ANKRD30BL: variants seen among roughly 807,000 people sequenced by gnomAD.
The protein encoded by ANKRD30BL is ankyrin repeat domain 30B like, also known as putative ankyrin repeat domain-containing protein 30B-like.
Under a neutral mutation model 18.4 loss-of-function variants are expected in ANKRD30BL, and 20 were observed. That is an observed-to-expected ratio of 1.09 (90% CI 0.77 to 1.58). The LOEUF (loss-of-function observed/expected upper bound fraction) is 1.58, where lower values mean the gene tolerates loss of function less well. Ranked by LOEUF, ANKRD30BL falls within the 40% of genes most tolerant of loss-of-function variation. The pLI is 0.00. For synonymous variants in ANKRD30BL, 72 were observed against 100.9 expected (o/e 0.71, Z 1.72); for missense variants, 224 against 268.6 (o/e 0.83, Z 1.16).
upstream of ANKRD30BL, among the ~76,000 whole-genome samples, chr2:132,166,150 G>C (rs547039047): frequency 9.2e-5 from 14 of 152,162 alleles, no homozygotes; most frequent in Non-Finnish European, 1.8e-4. Context: ...AATCAGTCTT[G>C]CATACTTTCT....
At chr2:132,164,435 C>CTGGGATT (rs1328889676), upstream of ANKRD30BL, among the ~76,000 whole-genome samples, 3 of 151,984 alleles carry the variant, frequency 2.0e-5, no homozygotes, top group East Asian at 5.8e-4. Flanking sequence ...GGATTACAGG[C>CTGGGATT]ACCCGCCATC....
chr2:132,200,509 CAGAG>C (rs1160349881), intron 1 of ANKRD30BL, among the ~76,000 whole-genome samples: 3 of 152,070 alleles, frequency 2.0e-5, no homozygotes, highest in South Asian at 2.1e-4. Context: ...AACAAACAAA[CAGAG>C]AGCCAAATCA....
At chr2:132,168,738 G>A (rs1319807333) in intron 1 of ANKRD30BL, among the ~76,000 whole-genome samples, 1 of 151,960 alleles carries the variant, frequency 6.6e-6, no homozygotes, top group Admixed American at 6.6e-5. Context: ...AGCACACATA[G>A]ACACACACAG....
At chr2:132,252,980 C>T (rs80281878) in intron 1 of ANKRD30BL, among the ~76,000 whole-genome samples, 11 of 152,266 alleles carry the variant, frequency 7.2e-5, no homozygotes, top group East Asian at 3.9e-4. Context: ...CGCCACCCAA[C>T]GCGTGACTAC....
chr2:132,163,698 G>A (rs1410736429), upstream of ANKRD30BL, among the ~76,000 whole-genome samples: 1 of 152,160 alleles, frequency 6.6e-6, no homozygotes, highest in African/African-American at 2.4e-5. Context: ...CCTCCAGGGG[G>A]CCCAAGTCAA....
intron 1 of ANKRD30BL, among the ~76,000 whole-genome samples, chr2:132,252,584 G>A (rs1409120775): frequency 6.6e-6 from 1 of 152,084 alleles, no homozygotes; most frequent in Non-Finnish European, 1.5e-5. Context: ...TGCCTCAGAG[G>A]AGTGTTGGGG....
intron 1 of ANKRD30BL, among the ~76,000 whole-genome samples, chr2:132,206,801 A>C (rs909896455): frequency 6.5e-5 from 1 of 15,318 alleles, no homozygotes; most frequent in Non-Finnish European, 1.3e-4. Flanking sequence ...TAGAAATCTT[A>C]AATGAAGGAG....
chr2:132,176,678 A>T (rs1347628434), intron 1 of ANKRD30BL, among the ~76,000 whole-genome samples: 1 of 151,446 alleles, frequency 6.6e-6, no homozygotes, highest in African/African-American at 2.4e-5. Flanking sequence ...GTGATCCCAG[A>T]TACTCGGGAG....
intron 1 of ANKRD30BL, among the ~76,000 whole-genome samples, chr2:132,220,609 G>A (rs371956865): frequency 0.015 from 2,241 of 152,098 alleles, 54 homozygotes; most frequent in African/African-American, 0.05. Context: ...CGAGTGATCC[G>A]CCAGCCTCGG....
chr2:132,204,484 GTA>G (rs1679171949), intron 1 of ANKRD30BL, among the ~76,000 whole-genome samples: 1 of 64,176 alleles, frequency 1.6e-5, no homozygotes, highest in African/African-American at 7.8e-5. Context: ...TATATAGTAT[GTA>G]TATATGTATA....
At chr2:132,183,159 C>G (rs1394380421) in intron 1 of ANKRD30BL, among the ~76,000 whole-genome samples, 1 of 141,150 alleles carries the variant, frequency 7.1e-6, no homozygotes, top group Non-Finnish European at 1.5e-5. Flanking sequence ...TTTTGAGAGT[C>G]TTGCTCTGTC....
chr2:132,190,406 T>TA (rs1267663587), intron 1 of ANKRD30BL, among the ~76,000 whole-genome samples: 3 of 150,822 alleles, frequency 2.0e-5, no homozygotes, highest in Non-Finnish European at 4.4e-5. Flanking sequence ...TTTCCAAACA[T>TA]AAAAAACAGG....
intron 1 of ANKRD30BL, among the ~76,000 whole-genome samples, chr2:132,196,856 AAAG>A (rs1468269541): frequency 6.6e-6 from 1 of 152,222 alleles, no homozygotes; most frequent in African/African-American, 2.4e-5. Flanking sequence ...ATTATATAAA[AAAG>A]AAGTGTAAAT....
intron 1 of ANKRD30BL, among the ~76,000 whole-genome samples, chr2:132,236,532 C>A (rs1174588380): frequency 6.6e-6 from 1 of 152,104 alleles, no homozygotes; most frequent in Admixed American, 6.6e-5. Flanking sequence ...AAATGCTCAT[C>A]ATCACTGGCC....
chr2:132,153,743 T>C, intron 4 of ANKRD30BL: 2 of 881,144 alleles, frequency 2.3e-6, no homozygotes, highest in Non-Finnish European at 3.4e-6. Flanking sequence ...ACGAATTTAA[T>C]ATGTGCCTGT....
chr2:132,253,544 C>T (rs934701633), intron 1 of ANKRD30BL, among the ~76,000 whole-genome samples: 1 of 152,186 alleles, frequency 6.6e-6, no homozygotes, highest in African/African-American at 2.4e-5. Flanking sequence ...GTACAGGCCA[C>T]ACGTGCAGCA....
chr2:132,227,417 T>C (rs1265614713), intron 1 of ANKRD30BL, among the ~76,000 whole-genome samples: 1 of 152,102 alleles, frequency 6.6e-6, no homozygotes, highest in Non-Finnish European at 1.5e-5. Flanking sequence ...AGAAACTTCT[T>C]TTTGATGTTT....
At chr2:132,162,967 G>A (rs1248957272), upstream of ANKRD30BL, among the ~76,000 whole-genome samples, 4 of 150,846 alleles carry the variant, frequency 2.7e-5, no homozygotes, top group Non-Finnish European at 4.4e-5. Flanking sequence ...AGGGCTTCAA[G>A]GTTCCTGAGA....
At chr2:132,177,794 T>C (rs1688391939) in intron 1 of ANKRD30BL, among the ~76,000 whole-genome samples, 1 of 152,186 alleles carries the variant, frequency 6.6e-6, no homozygotes, top group African/African-American at 2.4e-5. Context: ...TAAATGTGGT[T>C]ATATTGACCC....
Sources: gnomAD v4.1 joint callset for allele counts (sites outside exome capture counted in the v4.1 genomes callset) on GRCh38, gnomAD v4.1.1 for gene constraint, MANE v1.5 for transcripts, NCBI Gene and HGNC (gene_info 2026-07-23, HGNC 2026-07-21) for gene names.